PRRG3: variants seen among roughly 807,000 people sequenced by gnomAD.
PRRG3 encodes proline rich and Gla domain 3.
PRRG3 carries 21 observed loss-of-function variants against 15.8 expected under a neutral mutation model. That is an observed-to-expected ratio of 1.33 (90% CI 0.94 to 1.92). The LOEUF is 1.92. Among genes scored for constraint, PRRG3 ranks in the 40% most tolerant of loss-of-function variants. PRRG3 has a pLI of 0.00. For missense variants in PRRG3, 251 were observed against 200.2 expected, an observed-to-expected ratio of 1.25 and a Z score of -1.53; for synonymous variants, 125 against 84.1, an observed-to-expected ratio of 1.49 and a Z score of -2.66.
intron 1 of PRRG3, among the ~76,000 whole-genome samples, chrX:151,697,030 T>C (rs1416639270): frequency 1.0e-5 from 1 of 97,740 alleles, no homozygotes; most frequent in African/African-American, 3.8e-5. Context: ...CCTTCCTTCC[T>C]CCCTCCCCTT....
upstream of PRRG3, chrX:151,695,038 C>G (rs763661467): frequency 9.2e-6 from 1 of 109,232 alleles, no homozygotes; most frequent in East Asian, 2.9e-4. Flanking sequence ...CTTGCCCGCC[C>G]GCTCTCCCAA....
Position 151,702,406 on chromosome X carries a change from G to A in PRRG3, c.*1373G>A, listed in dbSNP as rs1188885614. 1 of 111,949 alleles carries A rather than the reference G, an allele frequency of 8.9e-6. No individual in the cohort carries two copies. The highest frequency in any genetic ancestry group is 1.9e-5 in the Non-Finnish European group (1 of 53,167). 9.2% of individuals were successfully genotyped at this position (111,949 alleles called of 1,213,427 possible). On this transcript the variant is annotated 3_prime_UTR_variant, in exon 4 of 4. Coordinates refer to ENST00000674457, the MANE Select transcript of PRRG3 (RefSeq NM_001372163.1). Reference sequence around the variant, plus strand: ...TGCTCTAGCCCTGAGGACTTGCCCTGGGACGTGCTTCCAGTTAGAAGGCTT... The same window carrying A: ...TGCTCTAGCCCTGAGGACTTGCCCTAGGACGTGCTTCCAGTTAGAAGGCTT...
intron 1 of PRRG3, among the ~76,000 whole-genome samples, chrX:151,697,890 A>G (rs1449433917): frequency 1.8e-5 from 2 of 109,823 alleles, no homozygotes; most frequent in Non-Finnish European, 3.8e-5. Flanking sequence ...ATAGCTCCTT[A>G]GCAGGAGAAA....
chrX:151,697,304 C>A (rs756307896), intron 1 of PRRG3, among the ~76,000 whole-genome samples: 3 of 109,848 alleles, frequency 2.7e-5, no homozygotes, highest in African/African-American at 3.3e-5. Context: ...GGACTACAGG[C>A]ATGCACCGCA....
At chrX:151,698,711 C>G (rs534303101) in intron 1 of PRRG3, 73 bp from the exon 2 acceptor site, 1 of 852,491 alleles carries the variant, frequency 1.2e-6, no homozygotes, top group South Asian at 2.4e-5. Flanking sequence ...GGGGGCACAT[C>G]CCAGAGCCAA....
chrX:151,700,060 G>A lies in PRRG3; in HGVS notation c.72G>A (p.Leu24=). 8.3e-7 allele frequency: 1 copy of A among 1,211,959 alleles called. No individual in the cohort carries two copies. The highest frequency in any genetic ancestry group is 3.0e-5 in the East Asian group (1 of 33,842). The stretch of plus-strand genomic sequence containing the variant: ...GATTCCCTCGTGCCAATGAGTTCCT[G>A]GAGGAGCTGCGCCAGGGCACCATCG... The part of the protein sequence containing the change: ...LKRFPRANEF[L]EELRQGTIER... The change falls in exon 3 of 4, where the codon CTG becomes CTA. Residue 24 remains leucine, a synonymous_variant. Coordinates refer to ENST00000674457, the MANE Select transcript of PRRG3 (RefSeq NM_001372163.1).
At chrX:151,694,831 C>T (rs2014727686), upstream of PRRG3, among the ~76,000 whole-genome samples, 1 of 111,782 alleles carries the variant, frequency 8.9e-6, no homozygotes, top group Admixed American at 9.3e-5. Flanking sequence ...CCGGAGCTCC[C>T]TGCTACGCCG....
Position 151,699,991 on chromosome X carries a change from C to G in PRRG3, c.8-5C>G, listed in dbSNP as rs767121398. 1.1e-5 allele frequency: 13 copies of G among 1,200,103 alleles called. No homozygotes were observed. Among genetic ancestry groups the G allele is most frequent in the Non-Finnish European group, 1.2e-5 (11 of 889,212 alleles). On this transcript the variant is annotated splice_polypyrimidine_tract_variant and splice_region_variant and intron_variant, in intron 2 of 3. Coordinates refer to ENST00000674457, the MANE Select transcript of PRRG3 (RefSeq NM_001372163.1). ...TTCCAGGCCTCAGTAGGGCTCTCTC[C>G]TCAGTGTTTCTGGAGGCCAAGGATG...
At position 151,700,856 on chromosome X, in the gene PRRG3, C is replaced by T; in HGVS notation, c.519C>T (p.Ser173=). The T allele has an allele frequency of 8.3e-7, 1 of 1,205,471 alleles. No homozygotes were observed. Among genetic ancestry groups the T allele is most frequent in the Non-Finnish European group, 1.1e-6 (1 of 891,895 alleles). The change falls in exon 4 of 4, where the codon AGC becomes AGT. Residue 173 remains serine, a synonymous_variant. Transcript: ENST00000674457. The part of the protein sequence containing the change: ...RGGRTTVRLE[S]TLYLPELSLS... ...GCAGGACCACAGTCCGGCTAGAGAGCACCCTCTACCTCCCTGAGCTCTCTC... is the reference window on the plus strand; with the variant it reads ...GCAGGACCACAGTCCGGCTAGAGAGTACCCTCTACCTCCCTGAGCTCTCTC...
chrX:151,697,002 T>C lies in PRRG3; in HGVS notation c.-32+1458T>C, dbSNP rs1213280881. ...TTTTCTCTCTTTCTCTCTTTCTTTCTCTCTTTCTTTCTTTCTTCCTTCCTT... is the reference window on the plus strand; with the variant it reads ...TTTTCTCTCTTTCTCTCTTTCTTTCCCTCTTTCTTTCTTTCTTCCTTCCTT... On this transcript the variant is annotated intron_variant, in intron 1 of 3. Transcript: ENST00000674457. 2.7e-5 allele frequency among the ~76,000 whole-genome samples: 3 copies of C among 109,945 alleles called. No homozygotes were observed. In the Admixed American group the frequency reaches 2.9e-4, roughly 11 times the overall value.
rs779479095 is a variant in PRRG3, at chrX:151,700,934, G to C, written c.597G>C (p.Ala199=). Residue 199 remains alanine (A), a synonymous_variant, in exon 4 of 4, where the codon GCG becomes GCC. Transcript: ENST00000674457. ...CCCCCTCCTACGAGGAGGTGACTGCGCCCCAAGAGAGCAGCAGTGAGGAGG... is the reference window on the plus strand; with the variant it reads ...CCCCCTCCTACGAGGAGGTGACTGCCCCCCAAGAGAGCAGCAGTGAGGAGG... ...TPPPSYEEVT[A]PQESSSEEAS... is the part of the protein sequence containing the mutation. The C allele has an allele frequency of 1.2e-4, 150 of 1,208,126 alleles. No individual in the cohort carries two copies. The highest frequency in any genetic ancestry group is 1.4e-4 in the Non-Finnish European group (126 of 894,123).
chrX:151,700,558 C>A lies in PRRG3; in HGVS notation c.221C>A (p.Ser74Ter). 8.3e-7 allele frequency: 1 copy of A among 1,208,113 alleles called. No homozygotes were observed. Among genetic ancestry groups the A allele is most frequent in the Non-Finnish European group, 1.1e-6 (1 of 892,743 alleles). ...GCAGTCTACTCTGTCCGAGACCCCT[C>A]GCAGAGCTCAGATGCCATGTATGTG... The part of the protein sequence containing the change: ...PNAVYSVRDP[S>*]QSSDAMYVVV... Residue 74 changes from serine to a stop codon, truncating the protein, a stop_gained, in exon 4 of 4, where the codon TCG becomes TAG. Coordinates refer to ENST00000674457, the MANE Select transcript of PRRG3 (RefSeq NM_001372163.1). LOFTEE classifies it high-confidence loss of function.
In PRRG3 at chrX:151,701,005, T is replaced by C. The variant is rs760542131; in HGVS notation, c.668T>C (p.Val223Ala). The change falls in exon 4 of 4, where the codon GTG (valine) becomes GCG (alanine). Residue 223 changes from valine (V) to alanine (A), a missense_variant. Physicochemically the swap from Val to Ala is moderately conservative, Grantham distance 64. Transcript: ENST00000674457. Reference protein sequence around the residue: ...SDPPPKYEEIVAANPGADK With the variant: ...SDPPPKYEEIAAANPGADK ...CCACCCCCAAAGTACGAGGAGATAG[T>C]GGCCGCCAACCCTGGCGCTGACAAG... The C allele has an allele frequency of 5.2e-6, 6 of 1,163,968 alleles. No homozygotes were observed. The South Asian group carries it at 1.2e-4, about 24-fold the overall frequency.
Position 151,698,969 on chromosome X carries a change from C to T in PRRG3, c.7+148C>T, listed in dbSNP as rs1486150430. The T allele has an allele frequency of 6.3e-6, 3 of 475,514 alleles. No individual in the cohort carries two copies. In the East Asian group the frequency reaches 1.2e-4, roughly 18 times the overall value. The allele number at this position is 475,514 out of a possible 1,213,427, so 39.2% of individuals were successfully genotyped here. Reference sequence around the variant, plus strand: ...CAAATGGCTGAGTAGCAGTTTTGCCCTCTCAACTCTTTGGCTCCCTTCTGA... The same window carrying T: ...CAAATGGCTGAGTAGCAGTTTTGCCTTCTCAACTCTTTGGCTCCCTTCTGA... On this transcript the variant is annotated intron_variant, in intron 2 of 3. Coordinates refer to ENST00000674457, the MANE Select transcript of PRRG3 (RefSeq NM_001372163.1).
In PRRG3 at chrX:151,705,726, G is replaced by C. The variant is rs1363203020; in HGVS notation, c.*4693G>C. ...CTTTAAACTGTGCTTGTATTCATGT[G>C]TTGACCCTTGTCAGCTGGGAAATCT... On this transcript the variant is annotated 3_prime_UTR_variant, in exon 4 of 4. Coordinates refer to ENST00000674457, the MANE Select transcript of PRRG3 (RefSeq NM_001372163.1). The C allele has an allele frequency of 2.4e-5, 3 of 124,840 alleles. No homozygotes were observed. The highest frequency in any genetic ancestry group is 9.6e-5 in the African/African-American group (3 of 31,383). 10.3% of individuals were successfully genotyped at this position (124,840 alleles called of 1,213,427 possible). A position where few individuals can be genotyped will look rare whatever the true frequency, so the allele number is the denominator to read the frequency against.
intron 1 of PRRG3, among the ~76,000 whole-genome samples, chrX:151,696,997 C>A (rs991868072): frequency 3.6e-5 from 4 of 109,693 alleles, no homozygotes; most frequent in African/African-American, 1.3e-4. Flanking sequence ...TTCTCTCTTT[C>A]TTTCTCTCTT....
chrX:151,699,874 C>G, intron 2 of PRRG3, 122 bp from the exon 3 acceptor site: 1 of 717,165 alleles, frequency 1.4e-6, no homozygotes, highest in Non-Finnish European at 2.0e-6. Flanking sequence ...AGCCTGGTGT[C>G]TTGCCTGCTC....
chrX:151,698,441 G>A lies in PRRG3; in HGVS notation c.-31-343G>A. The A allele has an allele frequency of 1.4e-5, 2 of 146,636 alleles. 1 individual carries two copies. Among genetic ancestry groups the A allele is most frequent in the Middle Eastern group, 5.4e-3 (2 of 370 alleles). The allele number at this position is 146,636 out of a possible 1,213,427, so 12.1% of individuals were successfully genotyped here. On this transcript the variant is annotated intron_variant, in intron 1 of 3. Coordinates refer to ENST00000674457, the MANE Select transcript of PRRG3 (RefSeq NM_001372163.1). ...GGAAGTTGCAAAGATTCATTGAGGG[G>A]AGCAAGGAAGGAGGAGCCTCAGCCT...
chrX:151,698,022 G>A (rs1197723474), intron 1 of PRRG3, among the ~76,000 whole-genome samples: 2 of 111,208 alleles, frequency 1.8e-5, no homozygotes, highest in Non-Finnish European at 3.8e-5. Flanking sequence ...GAGAAGAGAG[G>A]CCTGGTTCCA....
Sources: allele counts gnomAD v4.1 joint callset (sites outside exome capture counted in the v4.1 genomes callset), GRCh38; gene constraint gnomAD v4.1.1; transcripts MANE v1.5; gene names NCBI Gene and HGNC (gene_info 2026-07-23, HGNC 2026-07-21).